The following KPNA6 variants were observed in gnomAD, a reference collection of about 807,000 sequenced individuals.
The protein encoded by KPNA6 is importin subunit alpha-7.
In KPNA6, 9 loss-of-function variants were observed where a neutral mutation model predicts 72.0. The observed-to-expected ratio is 0.13, with a 90% CI of 0.08 to 0.22. The LOEUF (loss-of-function observed/expected upper bound fraction) is 0.22. KPNA6 is among the 10% of genes least tolerant of loss of function. KPNA6 has a pLI of 1.00. For missense variants in KPNA6, 374 were observed against 655.7 expected, an observed-to-expected ratio of 0.57 and a Z score of 4.69; for synonymous variants, 219 against 242.1, an observed-to-expected ratio of 0.90 and a Z score of 0.89.
At chr1:32,119,188 G>A (rs1003500330) in intron 1 of KPNA6, among the ~76,000 whole-genome samples, 5 of 150,712 alleles carry the variant, frequency 3.3e-5, no homozygotes, top group African/African-American at 4.9e-5. Flanking sequence ...CCACAACCAC[G>A]CCTGGCTAAT....
At chr1:32,163,393 C>T in intron 10 of KPNA6, 80 bp downstream of exon 10, 2 of 984,772 alleles carry the variant, frequency 2.0e-6, no homozygotes, top group East Asian at 2.6e-5. Context: ...AAAGCCTTTC[C>T]TGCAAAGGGC....
intron 1 of KPNA6, among the ~76,000 whole-genome samples, chr1:32,144,307 G>A (rs74690936): frequency 0.018 from 2,750 of 152,142 alleles, 76 homozygotes; most frequent in African/African-American, 0.062. Context: ...GATGGTTAGC[G>A]CGATATTTCA....
intron 1 of KPNA6, among the ~76,000 whole-genome samples, chr1:32,131,264 C>T (rs1570013836): frequency 6.6e-6 from 1 of 152,128 alleles, no homozygotes; most frequent in South Asian, 2.1e-4. Flanking sequence ...ATTGCACTCC[C>T]GCTGGGCGAC....
intron 1 of KPNA6, among the ~76,000 whole-genome samples, chr1:32,118,517 A>G (rs1038802841): frequency 6.6e-6 from 1 of 151,924 alleles, no homozygotes; most frequent in Non-Finnish European, 1.5e-5. Flanking sequence ...GGTATAGGTT[A>G]GGTGCGGTAG....
intron 11 of KPNA6, 37 bp downstream of exon 11, chr1:32,166,267 CAT>C (rs763647806): frequency 1.9e-6 from 3 of 1,589,932 alleles, no homozygotes; most frequent in Non-Finnish European, 2.6e-6. Context: ...CATGGGAAGT[CAT>C]AGGAACTTGG....
intron 1 of KPNA6, among the ~76,000 whole-genome samples, chr1:32,118,051 T>A (rs928789665): frequency 1.3e-5 from 2 of 152,180 alleles, no homozygotes; most frequent in Admixed American, 1.3e-4. Context: ...GCCTCCTGAG[T>A]AACTGGGATT....
Position 32,176,477 on chromosome 1 carries a change from CA to C in KPNA6, c.*5584del, listed in dbSNP as rs1371261781. The stretch of plus-strand genomic sequence containing the variant: ...TCCAGACAAATGTTATTTATATACA[CA>C]TCCAAATTTGAAGAGAAAATGTATT... On this transcript the variant is annotated 3_prime_UTR_variant, in exon 14 of 14. Transcript: ENST00000373625. 6.6e-6 allele frequency: 1 copy of C among 152,394 alleles called. No individual in the cohort carries two copies. Among genetic ancestry groups the C allele is most frequent in the Non-Finnish European group, 1.5e-5 (1 of 68,038 alleles). 9.4% of individuals were successfully genotyped at this position (152,394 alleles called of 1,614,324 possible).
At chr1:32,115,452 T>C (rs764909371) in intron 1 of KPNA6, among the ~76,000 whole-genome samples, 12 of 151,724 alleles carry the variant, frequency 7.9e-5, no homozygotes, top group Non-Finnish European at 1.8e-4. Context: ...TTTTTTAAGA[T>C]AGGGTTTTTG....
intron 1 of KPNA6, among the ~76,000 whole-genome samples, chr1:32,149,106 T>G (rs969398506): frequency 6.6e-6 from 1 of 152,196 alleles, no homozygotes; most frequent in African/African-American, 2.4e-5. Flanking sequence ...GTCTCCAAGT[T>G]TGCTACTTTT....
rs1177465658 is a variant in KPNA6, at chr1:32,160,711, A to G, written c.647+8A>G. Reference sequence around the variant, plus strand: ...CCTTAATCCTTTGTTAACGTGAGTAATTATAATCATCTGTACCTGGGCGTC... The same window carrying G: ...CCTTAATCCTTTGTTAACGTGAGTAGTTATAATCATCTGTACCTGGGCGTC... On this transcript the variant is annotated splice_region_variant and intron_variant, in intron 7 of 13. Coordinates refer to ENST00000373625, the MANE Select transcript of KPNA6 (RefSeq NM_012316.5). 1.2e-6 allele frequency: 2 copies of G among 1,607,906 alleles called. No individual in the cohort carries two copies. Among genetic ancestry groups the G allele is most frequent in the Non-Finnish European group, 1.7e-6 (2 of 1,174,484 alleles).
In KPNA6 at chr1:32,154,694, G is replaced by C. The variant is rs1330205710; in HGVS notation, c.111G>C (p.Gln37His). The C allele has an allele frequency of 7.4e-6, 12 of 1,613,938 alleles. No individual in the cohort carries two copies. Among genetic ancestry groups the C allele is most frequent in the Non-Finnish European group, 8.5e-7 (1 of 1,179,978 alleles). The change falls in exon 2 of 14, where the codon CAG becomes CAC. Residue 37 changes from glutamine to histidine, a missense_variant. By Grantham distance (24) the Gln-to-His change is conservative. Transcript: ENST00000373625. ...GAAGAAGAGAGGAAGAGGGCATTCA[G>C]CTCCGGAAGCAGAAGCGAGAGCAAC... Reference protein sequence around the residue: ...MRRRREEEGIQLRKQKREQQL... With the variant: ...MRRRREEEGIHLRKQKREQQL...
rs200861892 is a variant in KPNA6, at chr1:32,153,591, G to A, written c.5-997G>A. Among the ~76,000 whole-genome samples, 464 of 113,460 alleles carry A rather than the reference G, an allele frequency of 4.1e-3. 3 individuals carry two copies. Among genetic ancestry groups the A allele is most frequent in the Middle Eastern group, 0.01 (2 of 198 alleles). 74.4% of individuals were successfully genotyped at this position (113,460 alleles called of 152,430 possible). A position where few individuals can be genotyped will look rare whatever the true frequency, so the allele number is the denominator to read the frequency against. Reference sequence around the variant, plus strand: ...TGTCTCAAAAAAAAAAAAAAAAAAAGAAGAAAAATATTTAAAAATACAGAA... The same window carrying A: ...TGTCTCAAAAAAAAAAAAAAAAAAAAAAGAAAAATATTTAAAAATACAGAA... On this transcript the variant is annotated intron_variant, in intron 1 of 13. Coordinates refer to ENST00000373625, the MANE Select transcript of KPNA6 (RefSeq NM_012316.5).
At chr1:32,148,525 C>T (rs1277015596) in intron 1 of KPNA6, among the ~76,000 whole-genome samples, 2 of 147,568 alleles carry the variant, frequency 1.4e-5, no homozygotes, top group Non-Finnish European at 3.0e-5. Flanking sequence ...ATCTTCTGCT[C>T]TTAGGACTCC....
At chr1:32,113,319 G>A (rs1641271613) in intron 1 of KPNA6, among the ~76,000 whole-genome samples, 2 of 152,092 alleles carry the variant, frequency 1.3e-5, no homozygotes, top group African/African-American at 2.4e-5. Context: ...CTTGAACCTG[G>A]GAGGTTGAGG....
chr1:32,159,365 A>G, intron 5 of KPNA6, 35 bp from the exon 6 acceptor site: 1 of 1,611,406 alleles, frequency 6.2e-7, no homozygotes, highest in Non-Finnish European at 8.5e-7. Flanking sequence ...TCAGTCTGAA[A>G]TGACCTTTCA....
At chr1:32,152,579 C>A (rs1050711122) in intron 1 of KPNA6, among the ~76,000 whole-genome samples, 1 of 152,134 alleles carries the variant, frequency 6.6e-6, no homozygotes, top group Non-Finnish European at 1.5e-5. Flanking sequence ...GGCACGGTGG[C>A]TCACACCTGT....
chr1:32,109,903 G>A (rs1376628659), intron 1 of KPNA6, among the ~76,000 whole-genome samples: 1 of 151,554 alleles, frequency 6.6e-6, no homozygotes, highest in Non-Finnish European at 1.5e-5. Context: ...TGATCCTCCC[G>A]CCTCGCCTTC....
intron 1 of KPNA6, among the ~76,000 whole-genome samples, chr1:32,149,862 A>G (rs1241439826): frequency 6.6e-6 from 1 of 152,118 alleles, no homozygotes; most frequent in East Asian, 1.9e-4. Context: ...TGTTGGATAT[A>G]AAATTCTAGT....
Position 32,170,793 on chromosome 1 carries a change from G to A in KPNA6, c.1510G>A (p.Val504Ile). The A allele has an allele frequency of 6.2e-7, 1 of 1,614,198 alleles. No individual in the cohort carries two copies. The highest frequency in any genetic ancestry group is 1.1e-5 in the South Asian group (1 of 91,088). Residue 504 changes from valine to isoleucine, a missense_variant, in exon 14 of 14, where the codon GTA (valine) becomes ATA (isoleucine). Val to Ile is a conservative substitution (Grantham distance 29). This residue lies in a region of KPNA6 where 42 missense variants were observed against 49.8 expected (regional missense o/e 0.84). Coordinates refer to ENST00000373625, the MANE Select transcript of KPNA6 (RefSeq NM_012316.5). ...AFDLIEHYFG[V>I]EDDDSSLAPQ... is the part of the protein sequence containing the mutation. ...CGACCTCATTGAGCACTACTTTGGTGTAGAAGACGATGATAGCAGCCTGGC... is the reference window on the plus strand; with the variant it reads ...CGACCTCATTGAGCACTACTTTGGTATAGAAGACGATGATAGCAGCCTGGC...
Sources: allele counts gnomAD v4.1 joint callset (sites outside exome capture counted in the v4.1 genomes callset), GRCh38; gene constraint gnomAD v4.1.1; regional missense constraint gnomAD v4.1.1; transcripts MANE v1.5; gene names NCBI Gene and HGNC (gene_info 2026-07-23, HGNC 2026-07-21).